The following DAB2IP variants were observed in gnomAD, a reference collection of about 807,000 sequenced individuals.
DAB2IP encodes disabled homolog 2-interacting protein.
DAB2IP carries 28 observed loss-of-function variants against 107.2 expected under a neutral mutation model. That is an observed-to-expected ratio of 0.26 (90% confidence interval 0.19 to 0.36). DAB2IP has a LOEUF of 0.36. Among genes scored for constraint, DAB2IP ranks in the 10% least tolerant of loss-of-function variants. The probability of loss-of-function intolerance (pLI) is 1.00; values close to 1 mark genes in which losing one functional copy is unlikely to be tolerated. For missense variants in DAB2IP, 1,400 were observed against 1,644.7 expected (o/e 0.85, Z 2.57); for synonymous variants, 755 against 706.4 (o/e 1.07, Z -1.09).
At chr9:121,692,654 G>A (rs1239285408) in intron 2 of DAB2IP, among the ~76,000 whole-genome samples, 1 of 152,174 alleles carries the variant, frequency 6.6e-6, no homozygotes, top group East Asian at 1.9e-4. Flanking sequence ...GATTGTAGAG[G>A]ATTCTGTGGG....
intron 9 of DAB2IP, 44 bp from the exon 10 acceptor site, chr9:121,768,388 C>T (rs1295353180): frequency 5.6e-6 from 9 of 1,607,172 alleles, no homozygotes; most frequent in Non-Finnish European, 7.7e-6. Flanking sequence ...CTGGGCAGGG[C>T]CTGCCTGGGC....
At chr9:121,722,191 T>C (rs1411844250) in intron 3 of DAB2IP, among the ~76,000 whole-genome samples, 1 of 152,228 alleles carries the variant, frequency 6.6e-6, no homozygotes, top group East Asian at 1.9e-4. Context: ...TGCATGCATG[T>C]GACCTCCCCT....
At chr9:121,711,078 T>G (rs1337627682) in intron 3 of DAB2IP, among the ~76,000 whole-genome samples, 1 of 152,208 alleles carries the variant, frequency 6.6e-6, no homozygotes, top group African/African-American at 2.4e-5. Context: ...AAAATGGAGC[T>G]GGCAGAGAAC....
rs1833360326 is a variant in DAB2IP at position 121,664,966 on chromosome 9, A to C, written c.124+13067A>C. Among the ~76,000 whole-genome samples, 5 of 152,248 alleles carry C rather than the reference A, an allele frequency of 3.3e-5. No homozygotes were observed. The South Asian group carries it at 1.0e-3, about 32-fold the overall frequency. On this transcript the variant is annotated intron_variant, in intron 1 of 15. Coordinates refer to ENST00000408936, the Ensembl canonical transcript of DAB2IP. ...GTCTGAGTCAACTGTTCTAGAGGCTAAAAATTACACAAAGGACTGAAATTC... is the reference window on the plus strand; with the variant it reads ...GTCTGAGTCAACTGTTCTAGAGGCTCAAAATTACACAAAGGACTGAAATTC...
At position 121,641,994 on chromosome 9, in the gene DAB2IP, T is replaced by TC. The variant is rs1403081700; in HGVS notation, c.41-36684_41-36683insC. Among the ~76,000 whole-genome samples the TC allele has an allele frequency of 2.5e-3, 99 of 39,190 alleles. 3 individuals are homozygous for TC. The highest frequency in any genetic ancestry group is 3.4e-3 in the Non-Finnish European group (79 of 23,172). The allele number at this position is 39,190 out of a possible 152,430, so 25.7% of individuals were successfully genotyped here. On this transcript the variant is annotated intron_variant, in intron 1 of 16. Coordinates refer to the DAB2IP transcript ENST00000259371. ...TCTCTTTCTTTCTTTCTTTCTTTCCTTTCTCTCTCTCTCTCTCTCTCTCTC... is the reference window on the plus strand; with the variant it reads ...TCTCTTTCTTTCTTTCTTTCTTTCCTCTTCTCTCTCTCTCTCTCTCTCTCTC...
At chr9:121,734,785 C>T (rs966675920) in intron 3 of DAB2IP, among the ~76,000 whole-genome samples, 1 of 152,226 alleles carries the variant, frequency 6.6e-6, no homozygotes, top group African/African-American at 2.4e-5. Flanking sequence ...AGGGGTGAGG[C>T]ACACTTTCAG....
intron 1 of DAB2IP, among the ~76,000 whole-genome samples, chr9:121,602,828 G>T (rs1474715666): frequency 6.6e-6 from 1 of 152,132 alleles, no homozygotes; most frequent in African/African-American, 2.4e-5. Context: ...GCCCACCTCG[G>T]CCTCCCAAAG....
rs898066595 is a variant in DAB2IP at position 121,684,182 on chromosome 9, G to T, written c.228+5401G>T. Among the ~76,000 whole-genome samples the T allele has an allele frequency of 2.0e-5, 3 of 152,168 alleles. No homozygotes were observed. The highest frequency in any genetic ancestry group is 4.4e-5 in the Non-Finnish European group (3 of 68,030). ...CATGTGAACACAAACATGCAAGCTAGTGGGTGACCCTCCCGCCCATGTCAC... is the reference window on the plus strand; with the variant it reads ...CATGTGAACACAAACATGCAAGCTATTGGGTGACCCTCCCGCCCATGTCAC... On this transcript the variant is annotated intron_variant, in intron 2 of 15. Transcript: ENST00000408936. This position sits in a 1 kb window ranked among gnomAD's most constrained non-coding sequence, Gnocchi z 4.0.
intron 1 of DAB2IP, among the ~76,000 whole-genome samples, chr9:121,614,344 T>C (rs1028907273): frequency 6.2e-5 from 9 of 145,258 alleles, no homozygotes; most frequent in African/African-American, 1.8e-4. Context: ...TTTCTTTTTT[T>C]TTTTTTTTTT....
intron 3 of DAB2IP, among the ~76,000 whole-genome samples, chr9:121,709,756 A>G (rs918704665): frequency 6.6e-6 from 1 of 152,198 alleles, no homozygotes; most frequent in African/African-American, 2.4e-5. Context: ...TATGTGCATC[A>G]TCTCTGATTT....
chr9:121,730,480 T>C (rs1242731815), intron 3 of DAB2IP, among the ~76,000 whole-genome samples: 1 of 152,158 alleles, frequency 6.6e-6, no homozygotes, highest in Non-Finnish European at 1.5e-5. Context: ...AGTCAGTGAA[T>C]AGAACCTATC....
chr9:121,680,238 GGC>G (rs1210659690), intron 2 of DAB2IP, among the ~76,000 whole-genome samples: 1 of 152,198 alleles, frequency 6.6e-6, no homozygotes, highest in Non-Finnish European at 1.5e-5. Flanking sequence ...AAAGGGATGG[GGC>G]TTTCCCCAGG....
At chr9:121,608,805 C>G (rs1303400911) in intron 1 of DAB2IP, among the ~76,000 whole-genome samples, 1 of 152,234 alleles carries the variant, frequency 6.6e-6, no homozygotes, top group Non-Finnish European at 1.5e-5. Flanking sequence ...CCATCCTGAC[C>G]TCTCCTTATG....
chr9:121,586,666 C>T lies in DAB2IP; in HGVS notation c.40+19438C>T, dbSNP rs1023944129. ...GACTCCCTTCTTTACAAAAAAATACCAAAATTAGCCAGGCAAGGTGGTGTA... is the reference window on the plus strand; with the variant it reads ...GACTCCCTTCTTTACAAAAAAATACTAAAATTAGCCAGGCAAGGTGGTGTA... On this transcript the variant is annotated intron_variant, in intron 1 of 16. Coordinates refer to the DAB2IP transcript ENST00000259371. Among the ~76,000 whole-genome samples, 5 of 151,944 alleles carry T rather than the reference C, an allele frequency of 3.3e-5. No homozygotes were observed. In the South Asian group the frequency reaches 6.3e-4, roughly 19 times the overall value.
chr9:121,711,519 G>C (rs963529521), intron 3 of DAB2IP, among the ~76,000 whole-genome samples: 4 of 152,218 alleles, frequency 2.6e-5, no homozygotes, highest in Non-Finnish European at 2.9e-5. Flanking sequence ...AGGAGCAGCT[G>C]TTAACATCTG....
chr9:121,601,990 C>A (rs957082772), intron 1 of DAB2IP, among the ~76,000 whole-genome samples: 1 of 151,920 alleles, frequency 6.6e-6, no homozygotes, highest in African/African-American at 2.4e-5. Flanking sequence ...AAATGCAGAT[C>A]CCTCATCTCT....
chr9:121,711,992 C>T (rs746419101), intron 3 of DAB2IP, among the ~76,000 whole-genome samples: 3 of 152,210 alleles, frequency 2.0e-5, no homozygotes, highest in Non-Finnish European at 4.4e-5. Context: ...ATAATTGCAC[C>T]GTCTCCTGAA....
chr9:121,700,591 G>A (rs1239925102), intron 3 of DAB2IP, among the ~76,000 whole-genome samples: 1 of 152,160 alleles, frequency 6.6e-6, no homozygotes, highest in Non-Finnish European at 1.5e-5. Context: ...GCATGAAAAT[G>A]TCTCTCCCCT....
chr9:121,636,188 G>A (rs1004781122), intron 1 of DAB2IP, among the ~76,000 whole-genome samples: 4 of 152,096 alleles, frequency 2.6e-5, no homozygotes, highest in Admixed American at 1.3e-4. Flanking sequence ...GATTACAGGC[G>A]TGAGCCACGG....
Sources: allele counts gnomAD v4.1 joint callset (sites outside exome capture counted in the v4.1 genomes callset), GRCh38; gene constraint gnomAD v4.1.1; non-coding constraint Gnocchi (gnomAD v3.1); transcripts MANE v1.5; gene names NCBI Gene and HGNC (gene_info 2026-07-23, HGNC 2026-07-21).